IGSF21: variants seen among roughly 807,000 people sequenced by gnomAD.
The protein encoded by IGSF21 is immunoglobulin superfamily member 21.
In IGSF21, 28 loss-of-function variants were observed where a neutral mutation model predicts 46.8. The ratio of observed to expected loss-of-function variants is 0.60; its 90% CI spans 0.44 to 0.82. The LOEUF (loss-of-function observed/expected upper bound fraction) is 0.82, where lower values mean the gene tolerates loss of function less well. IGSF21 is among the 40% of genes least tolerant of loss of function. IGSF21 has a pLI of 0.00. For synonymous variants in IGSF21, 284 were observed against 273.6 expected (o/e 1.04, Z -0.38); for missense variants, 624 against 665.5 (o/e 0.94, Z 0.69).
intron 3 of IGSF21, among the ~76,000 whole-genome samples, chr1:18,312,433 C>T (rs2085498479): frequency 6.6e-6 from 1 of 152,170 alleles, no homozygotes; most frequent in South Asian, 2.1e-4. Context: ...TAAAATAACA[C>T]AAATTTAGTA....
chr1:18,247,035 C>G (rs1391293028), intron 2 of IGSF21, among the ~76,000 whole-genome samples: 1 of 150,308 alleles, frequency 6.7e-6, no homozygotes, highest in Non-Finnish European at 1.5e-5. Context: ...CCAAAAGTTG[C>G]AGAGCTGGAA....
At chr1:18,369,021 G>A (rs1426664873) in intron 6 of IGSF21, among the ~76,000 whole-genome samples, 2 of 152,188 alleles carry the variant, frequency 1.3e-5, no homozygotes, top group African/African-American at 4.8e-5. Context: ...GCCTCTGTGG[G>A]CACCCCCACT....
intron 2 of IGSF21, among the ~76,000 whole-genome samples, chr1:18,250,053 C>G (rs2084823113): frequency 7.7e-6 from 1 of 129,568 alleles, no homozygotes; most frequent in Non-Finnish European, 1.6e-5. Flanking sequence ...TCTTTCTCCT[C>G]CCCTCCCTCC....
chr1:18,311,602 C>T (rs1015583828), intron 3 of IGSF21, among the ~76,000 whole-genome samples: 9 of 152,114 alleles, frequency 5.9e-5, no homozygotes, highest in East Asian at 1.9e-4. Context: ...TCTGTTCTCA[C>T]GCTGCTAATA....
intron 1 of IGSF21, among the ~76,000 whole-genome samples, chr1:18,173,360 G>A (rs1403242433): frequency 6.6e-6 from 1 of 152,184 alleles, no homozygotes; most frequent in Non-Finnish European, 1.5e-5. Context: ...AGTCCAATTA[G>A]AACTGTCAGA....
rs2086305929 is a variant in IGSF21 at position 18,378,256 on chromosome 1, G to A, written c.1334G>A (p.Gly445Asp). ...NIPRGTEDSNGSIGPTGARLT... is the reference protein window; with the variant it reads ...NIPRGTEDSNDSIGPTGARLT... ...ACCCTTTCCCTGATTCCTGGCACAG[G>A]TTCCATTGGCCCCACTGGTGCCCGG... The change falls in exon 10 of 10, where the codon GGT (glycine) becomes GAT (aspartate). Residue 445 changes from glycine (G) to aspartate (D), a missense_variant and splice_region_variant. By Grantham distance (94) the Gly-to-Asp change is moderately conservative. Coordinates refer to ENST00000251296, the MANE Select transcript of IGSF21 (RefSeq NM_032880.5). 1.2e-6 allele frequency: 2 copies of A among 1,613,814 alleles called. No homozygotes were observed. Among genetic ancestry groups the A allele is most frequent in the Non-Finnish European group, 1.7e-6 (2 of 1,179,878 alleles).
chr1:18,153,381 C>T (rs1429194448), intron 1 of IGSF21, among the ~76,000 whole-genome samples: 1 of 152,220 alleles, frequency 6.6e-6, no homozygotes, highest in African/African-American at 2.4e-5. Context: ...GAGGCCCCAG[C>T]CAGATGGATG....
chr1:18,200,409 C>G (rs1210659665), intron 1 of IGSF21, among the ~76,000 whole-genome samples: 3 of 152,106 alleles, frequency 2.0e-5, no homozygotes, highest in Non-Finnish European at 4.4e-5. Flanking sequence ...AGTCCAAGAT[C>G]GAGGTGTGGG....
At chr1:18,147,612 GT>G (rs1375706225) in intron 1 of IGSF21, among the ~76,000 whole-genome samples, 3 of 151,806 alleles carry the variant, frequency 2.0e-5, no homozygotes, top group South Asian at 4.2e-4. Context: ...AATTTTGTTG[GT>G]TTTTTTGCTC....
At chr1:18,260,626 G>A (rs79960761) in intron 2 of IGSF21, among the ~76,000 whole-genome samples, 9 of 152,172 alleles carry the variant, frequency 5.9e-5, no homozygotes, top group Non-Finnish European at 8.8e-5. Flanking sequence ...GGTGACTTCC[G>A]GGTCATCAGG....
At chr1:18,119,542 G>A (rs2086214711) in intron 1 of IGSF21, among the ~76,000 whole-genome samples, 2 of 152,232 alleles carry the variant, frequency 1.3e-5, no homozygotes, top group Non-Finnish European at 2.9e-5. Context: ...CATGCCCACT[G>A]ACAGGAAGAA....
intron 2 of IGSF21, among the ~76,000 whole-genome samples, chr1:18,243,673 G>T (rs1188575708): frequency 6.6e-6 from 1 of 152,072 alleles, no homozygotes; most frequent in Admixed American, 6.6e-5. Context: ...CCCCTTTCTG[G>T]CCTCGCCCAC....
chr1:18,129,444 A>T (rs1230620834), intron 1 of IGSF21, among the ~76,000 whole-genome samples: 1 of 152,172 alleles, frequency 6.6e-6, no homozygotes, highest in African/African-American at 2.4e-5. Flanking sequence ...CCTCCCCATG[A>T]ATAAGGGCTC....
intron 1 of IGSF21, among the ~76,000 whole-genome samples, chr1:18,162,151 T>C (rs1395462283): frequency 6.6e-6 from 1 of 152,050 alleles, no homozygotes; most frequent in East Asian, 1.9e-4. Context: ...GCTAGGGCGA[T>C]CCTCTCACCT....
intron 1 of IGSF21, among the ~76,000 whole-genome samples, chr1:18,152,187 C>T (rs1015686561): frequency 5.3e-5 from 8 of 152,182 alleles, no homozygotes; most frequent in Admixed American, 1.3e-4. Flanking sequence ...TTTTGAGGAC[C>T]GACTGCACAT....
intron 9 of IGSF21, among the ~76,000 whole-genome samples, chr1:18,377,857 A>G (rs1047435632): frequency 6.6e-5 from 10 of 152,168 alleles, no homozygotes; most frequent in Admixed American, 5.9e-4. Flanking sequence ...GGGAGCATCA[A>G]CGGATGTCTC....
intron 3 of IGSF21, among the ~76,000 whole-genome samples, chr1:18,321,516 C>A (rs866484579): frequency 2.6e-5 from 4 of 152,310 alleles, no homozygotes; most frequent in Middle Eastern, 6.8e-3. Context: ...GAACAATAGA[C>A]ATTCATTTCT....
chr1:18,196,541 G>C (rs1570324648), intron 1 of IGSF21, among the ~76,000 whole-genome samples: 1 of 152,206 alleles, frequency 6.6e-6, no homozygotes, highest in Non-Finnish European at 1.5e-5. Context: ...GGGCTCCACA[G>C]GGTCCTGAAG....
intron 1 of IGSF21, chr1:18,115,856 A>G (rs1212943248): frequency 9.8e-6 from 1 of 101,734 alleles, no homozygotes; most frequent in Non-Finnish European, 2.1e-5. Context: ...AAAGAAAGAA[A>G]GAAAGAAAGA....
Sources: allele counts gnomAD v4.1 joint callset (sites outside exome capture counted in the v4.1 genomes callset), GRCh38; gene constraint gnomAD v4.1.1; transcripts MANE v1.5; gene names NCBI Gene and HGNC (gene_info 2026-07-23, HGNC 2026-07-21).